The following ZBTB16 variants were observed in gnomAD, a reference collection of about 807,000 sequenced individuals.
ZBTB16 encodes the protein zinc finger and BTB domain containing 16.
A neutral mutation model predicts 56.8 loss-of-function variants in ZBTB16; 8 were observed. The ratio of observed to expected loss-of-function variants is 0.14; its 90% CI spans 0.08 to 0.25. The LOEUF is 0.25. Ranked by LOEUF, ZBTB16 falls within the 10% of genes least tolerant of loss-of-function variation. The pLI is 1.00. For synonymous variants in ZBTB16, 363 were observed against 368.5 expected (o/e 0.98, Z 0.17); for missense variants, 625 against 903.0 (o/e 0.69, Z 3.95).
chr11:114,184,772 A>C (rs1943325519), intron 3 of ZBTB16, among the ~76,000 whole-genome samples: 1 of 152,218 alleles, frequency 6.6e-6, no homozygotes, highest in Non-Finnish European at 1.5e-5. Flanking sequence ...GCCTCAGGAA[A>C]TCTGAGGTGA....
intron 3 of ZBTB16, among the ~76,000 whole-genome samples, chr11:114,169,962 C>T (rs1177872988): frequency 1.3e-5 from 2 of 152,128 alleles, no homozygotes; most frequent in Non-Finnish European, 2.9e-5. Context: ...CATCCTCCTC[C>T]GCCCATAGCC....
rs145564608 is a variant in ZBTB16 at position 114,114,839 on chromosome 11, C to G, written c.1269-41498C>G. Among the ~76,000 whole-genome samples the G allele has an allele frequency of 3.1e-3, 471 of 152,044 alleles. 4 individuals carry two copies. The highest frequency in any genetic ancestry group is 0.011 in the African/African-American group (447 of 41,470). ...GGACTGCAAGGTGTGCACTACCATG[C>G]CCAGCTAATTTTTGTATATTTTTTG... On this transcript the variant is annotated intron_variant, in intron 2 of 6. Transcript: ENST00000335953.
Position 114,142,345 on chromosome 11 carries a change from AG to A in ZBTB16, c.1269-13991del, listed in dbSNP as rs1327578450. On this transcript the variant is annotated intron_variant, in intron 2 of 6. Coordinates refer to ENST00000335953, the MANE Select transcript of ZBTB16 (RefSeq NM_006006.6). ...CTGTGCACAAGCCTTGAAATGACAAAGTACCCTTTAGTTAATTGCACAACGG... is the reference window on the plus strand; with the variant it reads ...CTGTGCACAAGCCTTGAAATGACAAATACCCTTTAGTTAATTGCACAACGG... Among the ~76,000 whole-genome samples the A allele has an allele frequency of 3.9e-5, 6 of 152,340 alleles. No homozygotes were observed. The East Asian group carries it at 9.6e-4, about 24-fold the overall frequency.
At chr11:114,155,273 G>T (rs947342188) in intron 2 of ZBTB16, among the ~76,000 whole-genome samples, 1 of 152,248 alleles carries the variant, frequency 6.6e-6, no homozygotes, top group Non-Finnish European at 1.5e-5. Context: ...AGACTGGGGC[G>T]GAGGTGGAGG....
chr11:114,186,183 G>A (rs888484837), intron 3 of ZBTB16, among the ~76,000 whole-genome samples: 4 of 152,150 alleles, frequency 2.6e-5, no homozygotes, highest in African/African-American at 9.7e-5. Flanking sequence ...ATGACGAACA[G>A]GAGCTCCAAC....
At chr11:114,162,697 C>A (rs1310511863) in intron 3 of ZBTB16, among the ~76,000 whole-genome samples, 2 of 152,164 alleles carry the variant, frequency 1.3e-5, no homozygotes, top group Non-Finnish European at 2.9e-5. Flanking sequence ...TTGACTCCCT[C>A]CACATTCCTT....
chr11:114,082,034 T>A (rs1387568168), intron 2 of ZBTB16, among the ~76,000 whole-genome samples: 1 of 149,024 alleles, frequency 6.7e-6, no homozygotes, highest in Non-Finnish European at 1.5e-5. Context: ...GTCATCCCAG[T>A]GCTTTGGGAG....
intron 2 of ZBTB16, among the ~76,000 whole-genome samples, chr11:114,122,951 A>T (rs1252022775): frequency 1.3e-5 from 2 of 152,196 alleles, no homozygotes; most frequent in African/African-American, 2.4e-5. Context: ...TATTTCTCAC[A>T]GTTCTGGAGG....
At chr11:114,212,870 C>T (rs1392425801) in intron 4 of ZBTB16, among the ~76,000 whole-genome samples, 1 of 152,038 alleles carries the variant, frequency 6.6e-6, no homozygotes, top group Non-Finnish European at 1.5e-5. Context: ...CTGTGGGTCC[C>T]TTTTCTAAAA....
intron 3 of ZBTB16, among the ~76,000 whole-genome samples, chr11:114,166,115 G>T (rs1942745520): frequency 6.6e-6 from 1 of 152,062 alleles, no homozygotes; most frequent in Non-Finnish European, 1.5e-5. Flanking sequence ...TCTCCCAGGT[G>T]TTCAACTGCC....
chr11:114,096,486 ATG>A (rs1449296117), intron 2 of ZBTB16, among the ~76,000 whole-genome samples: 2 of 152,158 alleles, frequency 1.3e-5, no homozygotes, highest in African/African-American at 2.4e-5. Flanking sequence ...GCTGGTTTTC[ATG>A]TGCTGCCTCG....
chr11:114,091,630 C>A (rs1352569366), intron 2 of ZBTB16, among the ~76,000 whole-genome samples: 2 of 149,596 alleles, frequency 1.3e-5, no homozygotes, highest in African/African-American at 4.9e-5. Flanking sequence ...CCCTTCCTCC[C>A]TTCCTTCCTT....
At chr11:114,153,202 G>A (rs779739815) in intron 2 of ZBTB16, among the ~76,000 whole-genome samples, 3 of 152,098 alleles carry the variant, frequency 2.0e-5, no homozygotes, top group Non-Finnish European at 4.4e-5. Flanking sequence ...TCTTCCTTTG[G>A]TAGATGAACA....
chr11:114,105,198 C>T (rs918086696), intron 2 of ZBTB16, among the ~76,000 whole-genome samples: 1 of 151,842 alleles, frequency 6.6e-6, no homozygotes, highest in Non-Finnish European at 1.5e-5. Flanking sequence ...TGGAGCCTGG[C>T]TCGACAGCCC....
At chr11:114,159,831 G>C (rs954762219) in intron 3 of ZBTB16, among the ~76,000 whole-genome samples, 2 of 151,986 alleles carry the variant, frequency 1.3e-5, no homozygotes, top group Non-Finnish European at 2.9e-5. Context: ...AGTGAGAATG[G>C]GTGTGCCAGG....
intron 6 of ZBTB16, among the ~76,000 whole-genome samples, chr11:114,249,478 A>AGAGCTTTAGCAGGAT (rs1944877175): frequency 2.0e-5 from 3 of 147,516 alleles, no homozygotes; most frequent in African/African-American, 7.6e-5. Context: ...AAAAAAAAAA[A>AGAGCTTTAGCAGGAT]AAAAAGGCCG....
At chr11:114,073,897 A>G (rs1337548051) in intron 2 of ZBTB16, among the ~76,000 whole-genome samples, 1 of 152,212 alleles carries the variant, frequency 6.6e-6, no homozygotes, top group African/African-American at 2.4e-5. Flanking sequence ...CTTGCTGAGA[A>G]CAAGTCAAAT....
At position 114,148,653 on chromosome 11, in the gene ZBTB16, C is replaced by T. The variant is rs192774281; in HGVS notation, c.1269-7684C>T. On this transcript the variant is annotated intron_variant, in intron 2 of 6. Transcript: ENST00000335953. ...GGACTACAGGCACCTGCCACCATGC[C>T]TGGCTAATTTTTTGTATTTTTAGTA... Among the ~76,000 whole-genome samples the T allele has an allele frequency of 2.0e-4, 30 of 151,358 alleles. 2 individuals are homozygous for T. The East Asian group carries it at 5.7e-3, about 29-fold the overall frequency.
chr11:114,088,864 A>C (rs1021245692), intron 2 of ZBTB16, among the ~76,000 whole-genome samples: 1 of 152,220 alleles, frequency 6.6e-6, no homozygotes, highest in African/African-American at 2.4e-5. Flanking sequence ...TGGCAGGAAT[A>C]GGCCAGGCAG....
Sources: gnomAD v4.1 joint callset for allele counts (sites outside exome capture counted in the v4.1 genomes callset) on GRCh38, gnomAD v4.1.1 for gene constraint, MANE v1.5 for transcripts, NCBI Gene and HGNC (gene_info 2026-07-23, HGNC 2026-07-21) for gene names.